LPA: variants seen among roughly 807,000 people sequenced by gnomAD.
The protein encoded by LPA is apolipoprotein(a).
A neutral mutation model predicts 197.9 loss-of-function variants in LPA; 199 were observed. The ratio of observed to expected loss-of-function variants is 1.01; its 90% CI spans 0.90 to 1.13. The LOEUF (loss-of-function observed/expected upper bound fraction) is 1.13, where lower values mean the gene tolerates loss of function less well. Among genes scored for constraint, LPA ranks in the 50% most tolerant of loss-of-function variants. The pLI, the probability that LPA is intolerant of heterozygous loss-of-function variation, is 0.00. For synonymous variants in LPA, 715 were observed against 639.5 expected, an observed-to-expected ratio of 1.12 and a Z score of -1.78; for missense variants, 1,853 against 1,785.8, an observed-to-expected ratio of 1.04 and a Z score of -0.68.
intron 7 of LPA, among the ~76,000 whole-genome samples, chr6:160,634,151 CA>C (rs1185376798): frequency 9.7e-6 from 1 of 102,970 alleles, no homozygotes; most frequent in African/African-American, 4.3e-5. Context: ...CTTAGAAAAA[CA>C]GAACAGAACA....
At chr6:160,588,480 C>T (rs1482426732) in intron 24 of LPA, among the ~76,000 whole-genome samples, 2 of 152,162 alleles carry the variant, frequency 1.3e-5, no homozygotes, top group Admixed American at 6.5e-5. Context: ...TCCCCCAGTG[C>T]TATGTGAGCT....
At chr6:160,546,906 A>T (rs2115002866) in intron 32 of LPA, among the ~76,000 whole-genome samples, 1 of 152,306 alleles carries the variant, frequency 6.6e-6, no homozygotes, top group African/African-American at 2.4e-5. Flanking sequence ...GGGAAGTCTC[A>T]TGGTGACCTG....
At chr6:160,584,493 G>A (rs965778484) in intron 26 of LPA, among the ~76,000 whole-genome samples, 7 of 151,338 alleles carry the variant, frequency 4.6e-5, no homozygotes, top group East Asian at 1.9e-4. Flanking sequence ...CACCATGACC[G>A]GCTAATTTTT....
chr6:160,572,198 G>A (rs1778575630), intron 28 of LPA, among the ~76,000 whole-genome samples: 2 of 152,186 alleles, frequency 1.3e-5, no homozygotes, highest in Admixed American at 1.3e-4. Context: ...CCCTCTGTGG[G>A]CTGCACCCAC....
Position 160,538,998 on chromosome 6 carries a change from G to A in LPA, c.5736-1037C>T, listed in dbSNP as rs41266356. 1.9e-3 allele frequency among the ~76,000 whole-genome samples: 294 copies of A among 152,298 alleles called. 1 individual carries two copies. The highest frequency in any genetic ancestry group is 6.8e-3 in the African/African-American group (282 of 41,562). On this transcript the variant is annotated intron_variant, in intron 36 of 38. Coordinates refer to ENST00000316300, the MANE Select transcript of LPA (RefSeq NM_005577.4). The stretch of plus-strand genomic sequence containing the variant: ...GGGAGCAAGAGGGAGATCAGCTACT[G>A]TTTATAAAGGCTGAGCCAGAAAGGC...
chr6:160,576,690 G>GTATATATATATA (rs71033585), intron 28 of LPA, among the ~76,000 whole-genome samples: 10 of 76,648 alleles, frequency 1.3e-4, no homozygotes, highest in East Asian at 9.8e-4. Flanking sequence ...GTGTGTGTGT[G>GTATATATATATA]TATATATATA....
chr6:160,532,711 CAGA>C, intron 37 of LPA, 62 bp from the exon 38 acceptor site: 2 of 1,123,496 alleles, frequency 1.8e-6, no homozygotes, highest in Non-Finnish European at 2.7e-6. Context: ...GAGGAAATTC[CAGA>C]AGAACAGAGC....
intron 22 of LPA, among the ~76,000 whole-genome samples, chr6:160,593,515 G>A (rs1779070132): frequency 6.6e-6 from 1 of 152,166 alleles, no homozygotes; most frequent in South Asian, 2.1e-4. Context: ...ACAGGTTAGA[G>A]GAGAAAGTGA....
chr6:160,583,646 C>T (rs1431017012), intron 26 of LPA, among the ~76,000 whole-genome samples: 1 of 152,174 alleles, frequency 6.6e-6, no homozygotes, highest in Non-Finnish European at 1.5e-5. Flanking sequence ...TCTGTGCATA[C>T]ACAGCTTTCT....
rs777407982 is a variant in LPA at position 160,605,138 on chromosome 6, T to G, written c.2853A>C (p.Thr951=). 3 of 1,614,034 alleles carry G rather than the reference T, an allele frequency of 1.9e-6. No homozygotes were observed. Among genetic ancestry groups the G allele is most frequent in the Non-Finnish European group, 2.5e-6 (3 of 1,179,880 alleles). The change falls in exon 18 of 39, where the codon ACA becomes ACC. Residue 951 remains threonine, a synonymous_variant. Coordinates refer to ENST00000316300, the MANE Select transcript of LPA (RefSeq NM_005577.4). ...YHGNGQSYQG[T]YFITVTGRTC... Reference sequence around the variant, plus strand: ...TTCTTCCTGTGACAGTAATGAAGTATGTGCCTTGATAACTCTGTCCATTTC... The same window carrying G: ...TTCTTCCTGTGACAGTAATGAAGTAGGTGCCTTGATAACTCTGTCCATTTC...
At chr6:160,593,437 T>C (rs1779068724) in intron 22 of LPA, among the ~76,000 whole-genome samples, 1 of 152,212 alleles carries the variant, frequency 6.6e-6, no homozygotes, top group Admixed American at 6.5e-5. Context: ...TCAGCTGCCT[T>C]CCTACTTTTG....
chr6:160,566,507 G>A (rs145457812), intron 28 of LPA, among the ~76,000 whole-genome samples: 14,913 of 152,190 alleles, frequency 0.098, 920 homozygotes, highest in Non-Finnish European at 0.14. Flanking sequence ...AACATGGAAA[G>A]AAACAATCGG....
chr6:160,662,822 G>T (rs1780248597), intron 1 of LPA, among the ~76,000 whole-genome samples: 1 of 152,144 alleles, frequency 6.6e-6, no homozygotes, highest in Non-Finnish European at 1.5e-5. Flanking sequence ...AGATTAAATT[G>T]CAAGCATCTA....
chr6:160,611,570 G>A lies in LPA; in HGVS notation c.2595C>T (p.Tyr865=), dbSNP rs1319834326. Residue 865 remains tyrosine (Y), a synonymous_variant, in exon 16 of 39, where the codon TAC becomes TAT. Transcript: ENST00000316300. ...AAAGAACAAAGACATACGCATTTGG[G>A]TAGTATTCTGGGGTCCGACTATGCG... ...PHSHSRTPEY[Y]PNAGLIMNYC... is the part of the protein sequence containing the mutation. 1 of 1,606,052 alleles carries A rather than the reference G, an allele frequency of 6.2e-7. No homozygotes were observed. The highest frequency in any genetic ancestry group is 8.5e-7 in the Non-Finnish European group (1 of 1,179,028).
intron 28 of LPA, among the ~76,000 whole-genome samples, chr6:160,570,557 C>A (rs990153893): frequency 1.3e-5 from 2 of 152,250 alleles, no homozygotes; most frequent in Middle Eastern, 3.4e-3. Context: ...ATGGGTGCAG[C>A]ACACCAACAT....
chr6:160,608,846 C>T (rs942871452), intron 16 of LPA, among the ~76,000 whole-genome samples: 3 of 128,680 alleles, frequency 2.3e-5, no homozygotes, highest in African/African-American at 8.8e-5. Context: ...TGTGTGTGAA[C>T]TTGTGAGTTT....
intron 1 of LPA, 85 bp from the exon 2 acceptor site, chr6:160,650,582 A>G: frequency 1.5e-6 from 2 of 1,376,598 alleles, no homozygotes; most frequent in Non-Finnish European, 2.1e-6. Flanking sequence ...AACAGGAAAA[A>G]GTCTCTGAGA....
At chr6:160,536,531 C>T (rs920032260) in intron 37 of LPA, among the ~76,000 whole-genome samples, 3 of 152,200 alleles carry the variant, frequency 2.0e-5, no homozygotes, top group African/African-American at 7.2e-5. Flanking sequence ...TAAGTCCTGA[C>T]AGCCCATAGG....
intron 37 of LPA, 42 bp downstream of exon 37, chr6:160,537,811 AGG>A: frequency 1.3e-6 from 2 of 1,550,320 alleles, no homozygotes; most frequent in East Asian, 4.5e-5. Context: ...CATGCACTGA[AGG>A]TCAAAAACAA....
Sources: gnomAD v4.1 joint callset for allele counts (sites outside exome capture counted in the v4.1 genomes callset) on GRCh38, gnomAD v4.1.1 for gene constraint, MANE v1.5 for transcripts, NCBI Gene and HGNC (gene_info 2026-07-23, HGNC 2026-07-21) for gene names.